The following NRG3 variants were observed in gnomAD, a reference collection of about 807,000 sequenced individuals.
NRG3 encodes neuregulin 3, also known as pro-neuregulin-3, membrane-bound isoform.
NRG3 carries 31 observed loss-of-function variants against 66.9 expected under a neutral mutation model. The observed-to-expected ratio is 0.46, with a 90% CI of 0.35 to 0.63. NRG3 has a LOEUF of 0.63. Ranked by LOEUF, NRG3 falls within the 20% of genes least tolerant of loss-of-function variation. NRG3 has a pLI of 0.00. For missense variants in NRG3, 910 were observed against 878.9 expected (o/e 1.04, Z -0.45); for synonymous variants, 393 against 359.4 (o/e 1.09, Z -1.06).
At chr10:82,199,762 G>C (rs1022110182) in intron 1 of NRG3, among the ~76,000 whole-genome samples, 3 of 151,990 alleles carry the variant, frequency 2.0e-5, no homozygotes, top group Non-Finnish European at 4.4e-5. Flanking sequence ...ATCTACACTT[G>C]GTGCCTACAA....
chr10:82,944,521 T>C (rs1455795058), intron 4 of NRG3, among the ~76,000 whole-genome samples: 1 of 152,174 alleles, frequency 6.6e-6, no homozygotes, highest in Non-Finnish European at 1.5e-5. Flanking sequence ...CTTGCAAATG[T>C]GGGGGTGGAA....
chr10:82,233,150 G>A (rs972632861), intron 1 of NRG3, among the ~76,000 whole-genome samples: 6 of 152,180 alleles, frequency 3.9e-5, no homozygotes, highest in Non-Finnish European at 8.8e-5. Flanking sequence ...GGATCACGAG[G>A]TCAGGAGATC....
intron 1 of NRG3, among the ~76,000 whole-genome samples, chr10:81,980,950 G>GT (rs2060311530): frequency 6.6e-6 from 1 of 151,762 alleles, no homozygotes; most frequent in Non-Finnish European, 1.5e-5. Flanking sequence ...TTCATTTTAA[G>GT]TTAATCACCT....
At chr10:82,627,857 C>T (rs1038235733) in intron 2 of NRG3, among the ~76,000 whole-genome samples, 2 of 152,192 alleles carry the variant, frequency 1.3e-5, no homozygotes, top group African/African-American at 4.8e-5. Flanking sequence ...TATTCTCATA[C>T]AGTCATATGG....
chr10:82,918,701 T>A (rs1445128922), intron 4 of NRG3, among the ~76,000 whole-genome samples: 2 of 152,144 alleles, frequency 1.3e-5, no homozygotes, highest in Non-Finnish European at 2.9e-5. Flanking sequence ...TTCTTGGCCC[T>A]AAGGAAAAGT....
intron 2 of NRG3, among the ~76,000 whole-genome samples, chr10:82,360,228 G>A (rs1385351701): frequency 6.6e-6 from 1 of 152,118 alleles, no homozygotes; most frequent in African/African-American, 2.4e-5. Context: ...CATATTTATT[G>A]TGACTGTGCA....
intron 4 of NRG3, among the ~76,000 whole-genome samples, chr10:82,948,066 C>T (rs1380423974): frequency 6.6e-6 from 1 of 151,944 alleles, no homozygotes; most frequent in Admixed American, 6.6e-5. Context: ...TTACATCTAT[C>T]ATCCTTTTTG....
At chr10:82,576,799 A>C (rs757395392) in intron 2 of NRG3, among the ~76,000 whole-genome samples, 1 of 151,694 alleles carries the variant, frequency 6.6e-6, no homozygotes, top group African/African-American at 2.4e-5. Flanking sequence ...TCCCTAGCCC[A>C]GTGTTTGAGA....
At chr10:81,887,876 G>A (rs955808546) in intron 1 of NRG3, among the ~76,000 whole-genome samples, 1 of 152,094 alleles carries the variant, frequency 6.6e-6, no homozygotes, top group Non-Finnish European at 1.5e-5. Context: ...TTCCTGTATT[G>A]ATAATATTGT....
chr10:81,958,150 A>G (rs563026332), intron 1 of NRG3, among the ~76,000 whole-genome samples: 1 of 152,340 alleles, frequency 6.6e-6, no homozygotes, highest in South Asian at 2.1e-4. Flanking sequence ...ATGATATGAT[A>G]GAATGGCCAC....
At chr10:82,901,008 C>A (rs1183281187) in intron 4 of NRG3, among the ~76,000 whole-genome samples, 2 of 152,038 alleles carry the variant, frequency 1.3e-5, no homozygotes, top group Non-Finnish European at 2.9e-5. Flanking sequence ...AAAGAAAATA[C>A]AGATTTTACC....
intron 1 of NRG3, among the ~76,000 whole-genome samples, chr10:81,994,944 A>G (rs1195809378): frequency 6.6e-6 from 1 of 151,702 alleles, no homozygotes; most frequent in African/African-American, 2.4e-5. Flanking sequence ...GTTATTTTTC[A>G]TTTTTTTCTA....
chr10:82,788,066 G>A (rs1344381239), intron 3 of NRG3, among the ~76,000 whole-genome samples: 1 of 152,136 alleles, frequency 6.6e-6, no homozygotes, highest in African/African-American at 2.4e-5. Context: ...TCAATTAAAA[G>A]CAACTGTACT....
At chr10:82,786,226 A>C (rs2060356570) in intron 3 of NRG3, among the ~76,000 whole-genome samples, 1 of 152,000 alleles carries the variant, frequency 6.6e-6, no homozygotes, top group Non-Finnish European at 1.5e-5. Flanking sequence ...CTGCAGCCAT[A>C]AGACTCTAAC....
In NRG3 at chr10:82,080,612, A is replaced by G. The variant is rs2065337154; in HGVS notation, c.823+204449A>G. ...TTTGCTCTGAGCTAAGTGAGTAACTAAGTTTCAAAGGAAGCTACCATATTT... is the reference window on the plus strand; with the variant it reads ...TTTGCTCTGAGCTAAGTGAGTAACTGAGTTTCAAAGGAAGCTACCATATTT... On this transcript the variant is annotated intron_variant, in intron 1 of 8. Transcript: ENST00000372141. Among the ~76,000 whole-genome samples, 2 of 152,164 alleles carry G rather than the reference A, an allele frequency of 1.3e-5. 1 individual carries two copies. Among genetic ancestry groups the G allele is most frequent in the South Asian group, 4.1e-4 (2 of 4,836 alleles).
chr10:82,130,546 G>C (rs886542865), intron 1 of NRG3, among the ~76,000 whole-genome samples: 6 of 151,972 alleles, frequency 3.9e-5, no homozygotes, highest in Non-Finnish European at 7.4e-5. Flanking sequence ...TTTTTTGGGG[G>C]GGTATATACC....
chr10:82,205,626 A>G (rs2075080655), intron 1 of NRG3, among the ~76,000 whole-genome samples: 1 of 152,194 alleles, frequency 6.6e-6, no homozygotes, highest in Non-Finnish European at 1.5e-5. Flanking sequence ...AGCTCTGGAT[A>G]TTCATGCTCA....
rs547569857 is a variant in NRG3 at position 82,203,290 on chromosome 10, C to A, written c.824-155449C>A. Among the ~76,000 whole-genome samples the A allele has an allele frequency of 2.8e-3, 424 of 152,240 alleles. 1 individual carries two copies. Among genetic ancestry groups the A allele is most frequent in the African/African-American group, 9.5e-3 (396 of 41,564 alleles). On this transcript the variant is annotated intron_variant, in intron 1 of 8. Coordinates refer to ENST00000372141, the MANE Select transcript of NRG3 (RefSeq NM_001010848.4). ...CTCATTGGAAATGAGTATTCCATTTCCATGTAAATGGACAGTAGGCTACAA... is the reference window on the plus strand; with the variant it reads ...CTCATTGGAAATGAGTATTCCATTTACATGTAAATGGACAGTAGGCTACAA...
rs73307251 is a variant in NRG3 at position 82,816,237 on chromosome 10, C to A, written c.1028-49174C>A. On this transcript the variant is annotated intron_variant, in intron 3 of 8. Coordinates refer to ENST00000372141, the MANE Select transcript of NRG3 (RefSeq NM_001010848.4). ...CAGCTCTTCTAGTCCTGCCATTTGG[C>A]GTATCCCGAGTTCTTGTCCCACATC... 7.9e-5 allele frequency among the ~76,000 whole-genome samples: 12 copies of A among 152,312 alleles called. No individual in the cohort carries two copies. The South Asian group carries it at 8.3e-4, about 11-fold the overall frequency.
Sources: gnomAD v4.1 joint callset for allele counts (sites outside exome capture counted in the v4.1 genomes callset) on GRCh38, gnomAD v4.1.1 for gene constraint, MANE v1.5 for transcripts, NCBI Gene and HGNC (gene_info 2026-07-23, HGNC 2026-07-21) for gene names.